The following SLC13A4 variants were observed in gnomAD, a reference collection of about 807,000 sequenced individuals.
SLC13A4 encodes the protein solute carrier family 13 member 4.
SLC13A4 carries 28 observed loss-of-function variants against 72.7 expected under a neutral mutation model. That is an observed-to-expected ratio of 0.39 (90% CI 0.29 to 0.53). The LOEUF (loss-of-function observed/expected upper bound fraction) is 0.53. Among genes scored for constraint, SLC13A4 ranks in the 20% least tolerant of loss-of-function variants. SLC13A4 has a pLI of 0.78. For missense variants in SLC13A4, 653 were observed against 788.0 expected (o/e 0.83, Z 2.05); for synonymous variants, 312 against 325.5 (o/e 0.96, Z 0.45).
Position 135,707,592 on chromosome 7 carries a change from C to T in SLC13A4, c.365+522G>A, listed in dbSNP as rs77537426. On this transcript the variant is annotated intron_variant, in intron 3 of 15. Transcript: ENST00000682651. ...AAATGGAACATTGCTGAAGCTAACA[C>T]AAAACTCAACCTTGACACCGTAACA... The T allele has an allele frequency of 8.5e-3, 1,293 of 152,486 alleles. 23 individuals are homozygous for T. The highest frequency in any genetic ancestry group is 0.058 in the South Asian group (280 of 4,818). 9.4% of individuals were successfully genotyped at this position (152,486 alleles called of 1,614,324 possible).
chr7:135,727,583 G>A lies in SLC13A4; in HGVS notation c.-87C>T. 1.4e-6 allele frequency: 2 copies of A among 1,462,722 alleles called. No individual in the cohort carries two copies. The highest frequency in any genetic ancestry group is 2.2e-5 in the Admixed American group (1 of 45,188). The allele number at this position is 1,462,722 out of a possible 1,614,324, so 90.6% of individuals were successfully genotyped here. On this transcript the variant is annotated 5_prime_UTR_variant, in exon 1 of 16. Coordinates refer to ENST00000682651, the MANE Select transcript of SLC13A4 (RefSeq NM_001318192.2). Reference sequence around the variant, plus strand: ...CTGGGCACTGCTCTCTATCCAGAAAGACTTCTTAAACCTTTCTTGGCTTCC... The same window carrying A: ...CTGGGCACTGCTCTCTATCCAGAAAAACTTCTTAAACCTTTCTTGGCTTCC...
At chr7:135,702,743 C>A (rs1796067466) in intron 6 of SLC13A4, 102 bp downstream of exon 6, 4 of 922,266 alleles carry the variant, frequency 4.3e-6, no homozygotes, top group South Asian at 4.0e-5. Context: ...TAAGGTGGAT[C>A]TGTAGCTGTT....
chr7:135,703,651 C>G (rs550099602), intron 5 of SLC13A4: 3 of 152,408 alleles, frequency 2.0e-5, no homozygotes, highest in African/African-American at 7.2e-5. Context: ...ACTGAGTGAT[C>G]AGTGAATGTT....
At chr7:135,714,807 G>C (rs1012579017) in intron 2 of SLC13A4, among the ~76,000 whole-genome samples, 2 of 152,218 alleles carry the variant, frequency 1.3e-5, no homozygotes, top group Admixed American at 6.5e-5. Context: ...AGCCGACTCC[G>C]GCGGCACCAG....
chr7:135,682,721 C>T (rs1795531708), intron 15 of SLC13A4, among the ~76,000 whole-genome samples: 1 of 152,196 alleles, frequency 6.6e-6, no homozygotes, highest in African/African-American at 2.4e-5. Context: ...AAATTGAAGT[C>T]AAGGTAGTGC....
intron 1 of SLC13A4, among the ~76,000 whole-genome samples, chr7:135,722,713 A>C (rs1170870954): frequency 6.6e-6 from 1 of 152,242 alleles, no homozygotes; most frequent in Admixed American, 6.5e-5. Context: ...TTATTAGGCA[A>C]CTTGAAGAAC....
At chr7:135,726,066 A>G (rs192331794) in intron 1 of SLC13A4, among the ~76,000 whole-genome samples, 57 of 152,308 alleles carry the variant, frequency 3.7e-4, no homozygotes, top group Admixed American at 3.7e-3. Flanking sequence ...CAAGGTCCCC[A>G]AAGATGGGGC....
chr7:135,701,872 A>G (rs1319683814), intron 6 of SLC13A4, 112 bp from the exon 7 acceptor site: 30 of 1,006,810 alleles, frequency 3.0e-5, no homozygotes, highest in Non-Finnish European at 4.4e-5. Context: ...CACTGTGGGA[A>G]CCAGAGGCCA....
chr7:135,717,480 C>T (rs1048452975), intron 2 of SLC13A4, among the ~76,000 whole-genome samples: 8 of 152,136 alleles, frequency 5.3e-5, no homozygotes, highest in East Asian at 3.9e-4. Flanking sequence ...TGCCAGAAAA[C>T]GAGGCATCAC....
chr7:135,698,334 CTTTTTTTTTT>C (rs10563133), intron 8 of SLC13A4, among the ~76,000 whole-genome samples: 1 of 104,420 alleles, frequency 9.6e-6, no homozygotes, highest in South Asian at 3.3e-4. Flanking sequence ...TGCTGGGACT[CTTTTTTTTTT>C]TTTTTTTTGA....
rs776510927 is a variant in SLC13A4, at chr7:135,694,131, T to C, written c.1121+6A>G. ...GAAGGAGGGAAGAGGAATGGCTGAT[T>C]TTTACCTAATGTCTCCCAGTTTTTC... On this transcript the variant is annotated splice_donor_region_variant and intron_variant, in intron 10 of 15. Coordinates refer to ENST00000682651, the MANE Select transcript of SLC13A4 (RefSeq NM_001318192.2). The C allele has an allele frequency of 6.4e-7, 1 of 1,568,896 alleles. No individual in the cohort carries two copies. The highest frequency in any genetic ancestry group is 1.7e-5 in the Admixed American group (1 of 59,944).
chr7:135,711,093 C>T (rs1796290109), intron 2 of SLC13A4, among the ~76,000 whole-genome samples: 1 of 152,210 alleles, frequency 6.6e-6, no homozygotes, highest in Non-Finnish European at 1.5e-5. Context: ...GGGCCTTTCT[C>T]ACTGCCTGGT....
intron 7 of SLC13A4, among the ~76,000 whole-genome samples, chr7:135,699,873 T>C (rs1443950476): frequency 6.6e-6 from 1 of 152,196 alleles, no homozygotes; most frequent in Non-Finnish European, 1.5e-5. Context: ...ATTGACAGCA[T>C]GGGTTTTTAT....
intron 3 of SLC13A4, chr7:135,707,411 T>C (rs1238436199): frequency 6.6e-6 from 1 of 152,228 alleles, no homozygotes; most frequent in Non-Finnish European, 1.5e-5. Context: ...GTCATCTAAA[T>C]GACTCATACT....
chr7:135,710,728 CCTTT>C (rs1462535308), intron 2 of SLC13A4, among the ~76,000 whole-genome samples: 4 of 152,194 alleles, frequency 2.6e-5, no homozygotes, highest in Admixed American at 1.3e-4. Context: ...CTCCATCTCT[CCTTT>C]CTCTCTTTTG....
intron 13 of SLC13A4, among the ~76,000 whole-genome samples, chr7:135,686,876 G>A (rs1252703236): frequency 1.3e-5 from 2 of 152,154 alleles, no homozygotes; most frequent in South Asian, 4.1e-4. Flanking sequence ...GGCCAATGTG[G>A]TGAAAGCCCA....
rs535749594 is a variant in SLC13A4 at position 135,719,780 on chromosome 7, C to CGTGTGT, written c.228+1614_228+1615insACACAC. Reference sequence around the variant, plus strand: ...CTGAGGCTATGGCTACTCAATGCCACATGTGTGTGTGTGTGTGTGTGTATG... The same window carrying CGTGTGT: ...CTGAGGCTATGGCTACTCAATGCCACGTGTGTATGTGTGTGTGTGTGTGTGTGTATG... On this transcript the variant is annotated intron_variant, in intron 2 of 15. Coordinates refer to ENST00000682651, the MANE Select transcript of SLC13A4 (RefSeq NM_001318192.2). Among the ~76,000 whole-genome samples the CGTGTGT allele has an allele frequency of 9.2e-3, 1,281 of 138,602 alleles. 10 individuals are homozygous for CGTGTGT. The highest frequency in any genetic ancestry group is 0.014 in the Admixed American group (199 of 14,512). The allele number at this position is 138,602 out of a possible 152,430, so 90.9% of individuals were successfully genotyped here. A position where few individuals can be genotyped will look rare whatever the true frequency, so the allele number is the denominator to read the frequency against.
Position 135,703,129 on chromosome 7 carries a change from C to T in SLC13A4, c.594-245G>A, listed in dbSNP as rs372635144. On this transcript the variant is annotated intron_variant, in intron 5 of 15. Transcript: ENST00000682651. ...AGCACTTTCCTTTGATATTAACAAT[C>T]GTCCTAACAGCAGATGTGGAGTGGA... 8.1e-5 allele frequency: 44 copies of T among 543,228 alleles called. 1 individual carries two copies. Among genetic ancestry groups the T allele is most frequent in the African/African-American group, 5.9e-4 (31 of 52,884 alleles). The allele number at this position is 543,228 out of a possible 1,614,324, so 33.7% of individuals were successfully genotyped here. A position where few individuals can be genotyped will look rare whatever the true frequency, so the allele number is the denominator to read the frequency against.
chr7:135,706,827 C>T (rs1563164997), intron 3 of SLC13A4, among the ~76,000 whole-genome samples: 1 of 152,230 alleles, frequency 6.6e-6, no homozygotes, highest in African/African-American at 2.4e-5. Context: ...GCATAGCCCC[C>T]AAAGTCACAG....
Sources: gnomAD v4.1 joint callset for allele counts (sites outside exome capture counted in the v4.1 genomes callset) on GRCh38, gnomAD v4.1.1 for gene constraint, MANE v1.5 for transcripts, NCBI Gene and HGNC (gene_info 2026-07-23, HGNC 2026-07-21) for gene names.